Variants in NLGN1 observed in about 807,000 individuals in gnomAD.
The protein encoded by NLGN1 is neuroligin-1.
A neutral mutation model predicts 65.5 loss-of-function variants in NLGN1; 12 were observed. The observed-to-expected ratio is 0.18, with a 90% CI of 0.12 to 0.30. NLGN1 has a LOEUF of 0.30. Ranked by LOEUF, NLGN1 falls within the 10% of genes least tolerant of loss-of-function variation. The probability of loss-of-function intolerance (pLI) is 1.00; values close to 1 mark genes in which losing one functional copy is unlikely to be tolerated. For missense variants in NLGN1, 750 were observed against 1,007.1 expected, an observed-to-expected ratio of 0.74 and a Z score of 3.46; for synonymous variants, 350 against 359.5, an observed-to-expected ratio of 0.97 and a Z score of 0.30.
intron 4 of NLGN1, among the ~76,000 whole-genome samples, chr3:173,859,852 A>C (rs889849451): frequency 6.6e-6 from 1 of 152,016 alleles, no homozygotes; most frequent in African/African-American, 2.4e-5. Flanking sequence ...TCTAAATTTT[A>C]AAAGTTTGGG....
chr3:173,596,260 G>A (rs576301905), intron 2 of NLGN1, among the ~76,000 whole-genome samples: 9 of 152,148 alleles, frequency 5.9e-5, no homozygotes, highest in African/African-American at 1.7e-4. Context: ...AAATAGAACC[G>A]TTTATATACT....
In NLGN1 at chr3:173,804,536, A is replaced by G. The variant is rs189857200; in HGVS notation, c.494-3144A>G. ...TCAACATTATTATTAAAATGATGGA[A>G]TTAGCAGATGGTATTCAATGGTAGG... On this transcript the variant is annotated intron_variant, in intron 3 of 6. Transcript: ENST00000457714. 2.4e-4 allele frequency among the ~76,000 whole-genome samples: 37 copies of G among 152,096 alleles called. No homozygotes were observed. In the East Asian group the frequency reaches 7.0e-3, roughly 29 times the overall value.
intron 4 of NLGN1, among the ~76,000 whole-genome samples, chr3:174,271,325 A>G (rs1258645649): frequency 6.6e-6 from 1 of 151,566 alleles, no homozygotes; most frequent in African/African-American, 2.4e-5. Flanking sequence ...CATTCTAAAG[A>G]TATTTGTACA....
intron 2 of NLGN1, among the ~76,000 whole-genome samples, chr3:173,550,355 A>G (rs557860486): frequency 6.6e-6 from 1 of 152,234 alleles, no homozygotes; most frequent in Admixed American, 6.5e-5. Context: ...GTTTCGGCAC[A>G]CATGCATGTT....
intron 3 of NLGN1, among the ~76,000 whole-genome samples, chr3:173,788,333 C>A (rs146203128): frequency 6.6e-6 from 1 of 150,432 alleles, no homozygotes; most frequent in East Asian, 2.0e-4. Flanking sequence ...ACATTTAGAA[C>A]CCTCACTTTT....
At chr3:173,875,953 G>A (rs1416066394) in intron 4 of NLGN1, among the ~76,000 whole-genome samples, 1 of 152,078 alleles carries the variant, frequency 6.6e-6, no homozygotes, top group African/African-American at 2.4e-5. Context: ...TCAGGCTGGG[G>A]TAGATAAGAG....
At chr3:173,695,423 T>C (rs1766063163) in intron 3 of NLGN1, 1 of 164,382 alleles carries the variant, frequency 6.1e-6, no homozygotes, top group Non-Finnish European at 1.3e-5. Flanking sequence ...CCTCAAAGAA[T>C]AGTGCATCCA....
At chr3:173,814,094 C>G (rs1718531833) in intron 4 of NLGN1, among the ~76,000 whole-genome samples, 1 of 152,238 alleles carries the variant, frequency 6.6e-6, no homozygotes, top group Non-Finnish European at 1.5e-5. Context: ...CTGAGCTGGG[C>G]CCGCAGGGTT....
At chr3:173,446,604 T>C (rs917378566) in intron 2 of NLGN1, among the ~76,000 whole-genome samples, 2 of 152,186 alleles carry the variant, frequency 1.3e-5, no homozygotes, top group Non-Finnish European at 2.9e-5. Context: ...CTGGGTCAAA[T>C]GGTATTTCTA....
intron 3 of NLGN1, among the ~76,000 whole-genome samples, chr3:173,641,612 T>G (rs1021303446): frequency 1.4e-4 from 22 of 152,344 alleles, no homozygotes; most frequent in African/African-American, 4.8e-4. Flanking sequence ...ATTTCTTACC[T>G]TGTCTCAAGC....
chr3:174,100,419 C>T (rs2152573475), intron 4 of NLGN1, among the ~76,000 whole-genome samples: 1 of 152,182 alleles, frequency 6.6e-6, no homozygotes, highest in South Asian at 2.1e-4. Flanking sequence ...TCCAAAAGTA[C>T]AAGGCTCATC....
At chr3:173,421,828 G>A (rs1011233259) in intron 1 of NLGN1, among the ~76,000 whole-genome samples, 1 of 152,062 alleles carries the variant, frequency 6.6e-6, no homozygotes, top group African/African-American at 2.4e-5. Context: ...GCCCAGTTTA[G>A]AATTATGTTT....
At chr3:173,400,185 T>C (rs521956) in intron 1 of NLGN1, among the ~76,000 whole-genome samples, 85,323 of 151,956 alleles carry the variant, frequency 0.56, 24,154 homozygotes, top group East Asian at 0.68. Flanking sequence ...TAGGAAGATA[T>C]GATTTTTCAG....
chr3:173,968,114 G>A (rs1476563556), intron 4 of NLGN1, among the ~76,000 whole-genome samples: 1 of 152,070 alleles, frequency 6.6e-6, no homozygotes, highest in Non-Finnish European at 1.5e-5. Flanking sequence ...ATAATAAAGT[G>A]TAAAATTTCA....
chr3:174,059,105 G>T (rs931511791), intron 4 of NLGN1, among the ~76,000 whole-genome samples: 1 of 152,076 alleles, frequency 6.6e-6, no homozygotes, highest in Admixed American at 6.6e-5. Flanking sequence ...TGCTAACTGG[G>T]CACCTCAATT....
At chr3:173,558,063 G>A (rs73880504) in intron 2 of NLGN1, among the ~76,000 whole-genome samples, 1,698 of 151,974 alleles carry the variant, frequency 0.011, 28 homozygotes, top group African/African-American at 0.039. Context: ...TAAAGATACA[G>A]TTGCATTGTC....
intron 4 of NLGN1, among the ~76,000 whole-genome samples, chr3:174,102,412 T>TTA (rs1712745557): frequency 6.6e-6 from 1 of 152,194 alleles, no homozygotes; most frequent in Non-Finnish European, 1.5e-5. Context: ...TAGTGTCACA[T>TTA]TATTTTCAAA....
chr3:173,495,751 T>A (rs567046608), intron 2 of NLGN1, among the ~76,000 whole-genome samples: 92 of 151,046 alleles, frequency 6.1e-4, no homozygotes, highest in Non-Finnish European at 1.1e-3. Context: ...AAGTGTATTA[T>A]CATAATCAAG....
At chr3:174,093,209 C>A (rs1019048918) in intron 4 of NLGN1, among the ~76,000 whole-genome samples, 2 of 152,118 alleles carry the variant, frequency 1.3e-5, no homozygotes, top group Non-Finnish European at 2.9e-5. Context: ...TTTCAGCAAA[C>A]GCAATTTTGC....
Sources: allele counts gnomAD v4.1 joint callset (sites outside exome capture counted in the v4.1 genomes callset), GRCh38; gene constraint gnomAD v4.1.1; transcripts MANE v1.5; gene names NCBI Gene and HGNC (gene_info 2026-07-23, HGNC 2026-07-21).